The following ARSG variants were observed in gnomAD, a reference collection of about 807,000 sequenced individuals.
The protein encoded by ARSG is ASG.
Under a neutral mutation model 50.5 loss-of-function variants are expected in ARSG, and 37 were observed. That is an observed-to-expected ratio of 0.73 (90% CI 0.56 to 0.96). The LOEUF (loss-of-function observed/expected upper bound fraction) is 0.96, where lower values mean the gene tolerates loss of function less well. Ranked by LOEUF, ARSG falls within the 50% of genes least tolerant of loss-of-function variation. ARSG has a pLI of 0.00. For missense variants in ARSG, 629 were observed against 675.3 expected (o/e 0.93, Z 0.76); for synonymous variants, 225 against 254.6 (o/e 0.88, Z 1.11).
intron 2 of ARSG, among the ~76,000 whole-genome samples, chr17:68,315,769 A>C (rs1353128663): frequency 6.6e-6 from 1 of 152,102 alleles, no homozygotes; most frequent in African/African-American, 2.4e-5. Flanking sequence ...AGTAGCTGGG[A>C]CTACAAGTGT....
chr17:68,278,153 A>G (rs782604051), intron 1 of ARSG: 1 of 1,614,190 alleles, frequency 6.2e-7, no homozygotes, highest in East Asian at 2.2e-5. Flanking sequence ...TGGATTCATT[A>G]AAACTGTCCA....
chr17:68,363,307 G>A (rs896225005), intron 6 of ARSG, among the ~76,000 whole-genome samples: 4 of 152,132 alleles, frequency 2.6e-5, no homozygotes, highest in African/African-American at 7.2e-5. Context: ...GGCACAGGAA[G>A]TAGGTGAGGT....
chr17:68,360,454 G>A (rs1416742611), intron 6 of ARSG, among the ~76,000 whole-genome samples: 4 of 152,196 alleles, frequency 2.6e-5, no homozygotes, highest in Non-Finnish European at 5.9e-5. Flanking sequence ...TGACAAGGGG[G>A]CCCACCCTGG....
intron 2 of ARSG, among the ~76,000 whole-genome samples, chr17:68,336,041 G>A (rs768603223): frequency 8.6e-5 from 13 of 152,024 alleles, no homozygotes; most frequent in Non-Finnish European, 1.8e-4. Context: ...TGGGACTACA[G>A]ACACCCACCA....
chr17:68,434,611 C>G, the ARSG span: 1 of 1,614,036 alleles, frequency 6.2e-7, no homozygotes, highest in Non-Finnish European at 8.5e-7. Flanking sequence ...ACAGAGAACA[C>G]CCGGATGACT....
the ARSG span, chr17:68,440,737 A>C: frequency 6.6e-6 from 1 of 152,214 alleles, no homozygotes; most frequent in South Asian, 2.1e-4. Context: ...TCAAGAACCA[A>C]TGGCATCATC....
intron 1 of ARSG, among the ~76,000 whole-genome samples, chr17:68,277,045 C>T (rs1402852841): frequency 6.6e-6 from 1 of 152,190 alleles, no homozygotes; most frequent in Non-Finnish European, 1.5e-5. Context: ...ACCTTATCTC[C>T]TTGTACACAT....
chr17:68,323,851 T>A (rs1346226547), intron 2 of ARSG, among the ~76,000 whole-genome samples: 1 of 152,076 alleles, frequency 6.6e-6, no homozygotes, highest in Non-Finnish European at 1.5e-5. Flanking sequence ...AGCGGGTGGA[T>A]CACCTGAGGT....
At chr17:68,411,817 G>T (rs1175785895) in intron 11 of ARSG, among the ~76,000 whole-genome samples, 1 of 148,958 alleles carries the variant, frequency 6.7e-6, no homozygotes, top group African/African-American at 2.5e-5. Flanking sequence ...CCTGTATTGG[G>T]TGCATATATA....
intron 2 of ARSG, among the ~76,000 whole-genome samples, chr17:68,324,396 A>T (rs1394996226): frequency 6.6e-6 from 1 of 152,124 alleles, no homozygotes; most frequent in Non-Finnish European, 1.5e-5. Context: ...GACTCTCAGG[A>T]CCTTCCCAGC....
intron 3 of ARSG, chr17:68,346,892 C>T (rs1219415558): frequency 6.9e-7 from 1 of 1,457,962 alleles, no homozygotes; most frequent in African/African-American, 1.4e-5. Context: ...GCTGTCTTCC[C>T]CTTTCACTGT....
chr17:68,376,341 A>G (rs914085175), intron 8 of ARSG, among the ~76,000 whole-genome samples: 44 of 146,604 alleles, frequency 3.0e-4, no homozygotes, highest in African/African-American at 1.1e-3. Flanking sequence ...CAGTGGCATC[A>G]TTACAGCTCA....
the ARSG span, among the ~76,000 whole-genome samples, chr17:68,435,342 C>G: frequency 2.0e-5 from 3 of 152,236 alleles, no homozygotes; most frequent in African/African-American, 2.4e-5. Context: ...TTGTCCGTCT[C>G]TACGGCTGAT....
intron 3 of ARSG, chr17:68,346,752 G>A (rs1239573484): frequency 1.6e-6 from 2 of 1,289,824 alleles, no homozygotes; most frequent in Non-Finnish European, 2.0e-6. Context: ...CCTGCACCCT[G>A]GGCCTCCTGG....
At chr17:68,266,437 CTTT>C (rs67615224) in intron 1 of ARSG, among the ~76,000 whole-genome samples, 2,473 of 95,162 alleles carry the variant, frequency 0.026, 150 homozygotes, top group African/African-American at 0.094. Context: ...TATATATATA[CTTT>C]TTTTTGTATA....
At chr17:68,343,522 A>G in intron 2 of ARSG, 82 bp from the exon 3 acceptor site, 4 of 1,304,044 alleles carry the variant, frequency 3.1e-6, no homozygotes, top group Non-Finnish European at 4.2e-6. Flanking sequence ...CTGAAATTGC[A>G]GGAACTGAGT....
intron 9 of ARSG, among the ~76,000 whole-genome samples, chr17:68,385,476 A>G (rs1440519909): frequency 6.7e-6 from 1 of 149,192 alleles, no homozygotes; most frequent in African/African-American, 2.5e-5. Flanking sequence ...TATCCTGGTC[A>G]ACATAGCAAG....
intron 10 of ARSG, among the ~76,000 whole-genome samples, chr17:68,395,700 A>G (rs753966348): frequency 6.6e-6 from 1 of 152,200 alleles, no homozygotes; most frequent in Non-Finnish European, 1.5e-5. Flanking sequence ...ATTTAATTTA[A>G]TAACATAGCT....
At position 68,330,407 on chromosome 17, in the gene ARSG, A is replaced by G. The variant is rs559694640; in HGVS notation, c.219-13197A>G. 1.6e-4 allele frequency among the ~76,000 whole-genome samples: 25 copies of G among 152,190 alleles called. No individual in the cohort carries two copies. The South Asian group carries it at 5.0e-3, about 30-fold the overall frequency. ...TTGGGTTGTTTGACATGATGGCCCT[A>G]GGATCTGGGTACAAGGTGGTGGTAG... is the stretch of plus-strand genomic sequence containing the variant. On this transcript the variant is annotated intron_variant, in intron 2 of 11. Transcript: ENST00000621439.
Sources: allele counts gnomAD v4.1 joint callset (sites outside exome capture counted in the v4.1 genomes callset), GRCh38; gene constraint gnomAD v4.1.1; transcripts MANE v1.5; gene names NCBI Gene and HGNC (gene_info 2026-07-23, HGNC 2026-07-21).